The following TSNARE1 variants were observed in gnomAD, a reference collection of about 807,000 sequenced individuals.
TSNARE1 encodes the protein t-SNARE domain containing 1, also known as t-SNARE domain-containing protein 1.
In TSNARE1, 49 loss-of-function variants were observed where a neutral mutation model predicts 62.0. That is an observed-to-expected ratio of 0.79 (90% confidence interval 0.63 to 1.00). The LOEUF (loss-of-function observed/expected upper bound fraction) is 1.00. Among genes scored for constraint, TSNARE1 ranks in the 50% least tolerant of loss-of-function variants. The pLI is 0.00. For synonymous variants in TSNARE1, 328 were observed against 294.4 expected (o/e 1.11, Z -1.17); for missense variants, 755 against 700.1 (o/e 1.08, Z -0.88).
At chr8:142,275,784 C>A in intron 11 of TSNARE1, 1 of 985,400 alleles carries the variant, frequency 1.0e-6, no homozygotes, top group Non-Finnish European at 1.2e-6. Flanking sequence ...CTGACTTGAG[C>A]CTCAGGGGTC....
At chr8:142,277,788 G>A in intron 11 of TSNARE1, 8 of 985,386 alleles carry the variant, frequency 8.1e-6, no homozygotes, top group Non-Finnish European at 9.6e-6. Flanking sequence ...CTGGGTCTCA[G>A]TCTAGGGCAG....
chr8:142,274,044 C>G, intron 12 of TSNARE1: 1 of 985,280 alleles, frequency 1.0e-6, no homozygotes, highest in Non-Finnish European at 1.2e-6. Context: ...GGGGCTTCTT[C>G]TGCGCTCCCA....
At chr8:142,315,405 G>A (rs548179432) in intron 7 of TSNARE1, among the ~76,000 whole-genome samples, 54 of 152,232 alleles carry the variant, frequency 3.5e-4, no homozygotes, top group East Asian at 1.9e-4. Context: ...AGCGCAGGAC[G>A]TCGTGGCCCT....
At chr8:142,300,440 CAT>C in intron 10 of TSNARE1, 44 bp downstream of exon 10, 3 of 1,562,030 alleles carry the variant, frequency 1.9e-6, no homozygotes, top group Non-Finnish European at 2.6e-6. Context: ...TTCCCAGCCT[CAT>C]GTGGAGTGTG....
At chr8:142,309,927 A>G (rs1338099754) in intron 9 of TSNARE1, among the ~76,000 whole-genome samples, 4 of 152,146 alleles carry the variant, frequency 2.6e-5, no homozygotes, top group Non-Finnish European at 5.9e-5. Context: ...TTTAATAAAT[A>G]TTAAACTCCC....
chr8:142,272,742 G>T, intron 12 of TSNARE1: 1 of 968,290 alleles, frequency 1.0e-6, no homozygotes, highest in Non-Finnish European at 1.2e-6. Flanking sequence ...GCCCCTTGCA[G>T]GTAGGAGCAG....
At chr8:142,266,387 T>C (rs1011087122) in intron 12 of TSNARE1, among the ~76,000 whole-genome samples, 1 of 152,258 alleles carries the variant, frequency 6.6e-6, no homozygotes, top group Non-Finnish European at 1.5e-5. Context: ...AAGTCCATTT[T>C]TTGGAAACCC....
chr8:142,284,819 G>T (rs370676110), intron 10 of TSNARE1, among the ~76,000 whole-genome samples: 16 of 152,222 alleles, frequency 1.1e-4, no homozygotes, highest in African/African-American at 3.6e-4. Flanking sequence ...AGGTCCCAGG[G>T]TCTGTCCCCA....
intron 2 of TSNARE1, among the ~76,000 whole-genome samples, chr8:142,347,910 C>T (rs1329484348): frequency 6.6e-6 from 1 of 152,210 alleles, no homozygotes; most frequent in Non-Finnish European, 1.5e-5. Context: ...CACACTGCAT[C>T]CACTCACCCA....
chr8:142,346,133 C>G (rs190433352), intron 2 of TSNARE1, among the ~76,000 whole-genome samples: 1 of 152,354 alleles, frequency 6.6e-6, no homozygotes, highest in East Asian at 1.9e-4. Flanking sequence ...TGAAATGTGA[C>G]TGCAAACTAG....
intron 9 of TSNARE1, among the ~76,000 whole-genome samples, chr8:142,302,470 C>A (rs1825944972): frequency 6.6e-6 from 1 of 152,112 alleles, no homozygotes. Context: ...GGATCAGAGC[C>A]CCTGCTGGGA....
At chr8:142,314,075 G>A (rs193170531) in intron 9 of TSNARE1, among the ~76,000 whole-genome samples, 264 of 152,274 alleles carry the variant, frequency 1.7e-3, no homozygotes, top group African/African-American at 5.7e-3. Context: ...CACCGCGCCC[G>A]GCCACGTGTG....
chr8:142,272,762 C>T lies in TSNARE1; in HGVS notation c.1446+2019G>A, dbSNP rs1170505281. On this transcript the variant is annotated intron_variant, in intron 12 of 13. Transcript: ENST00000524325. Reference sequence around the variant, plus strand: ...TTGCAGGTAGGAGCAGGACATTCTACGCAGAGGCGACTTCACAGACACCTG... The same window carrying T: ...TTGCAGGTAGGAGCAGGACATTCTATGCAGAGGCGACTTCACAGACACCTG... 35 of 956,016 alleles carry T rather than the reference C, an allele frequency of 3.7e-5. No homozygotes were observed. The Middle Eastern group carries it at 1.6e-3, about 44-fold the overall frequency. 59.2% of individuals were successfully genotyped at this position (956,016 alleles called of 1,614,324 possible).
chr8:142,331,871 G>A lies in TSNARE1; in HGVS notation c.746-40C>T. The A allele has an allele frequency of 2.6e-6, 4 of 1,561,392 alleles. No homozygotes were observed. The South Asian group carries it at 3.5e-5, about 14-fold the overall frequency. On this transcript the variant is annotated intron_variant, in intron 4 of 13. Coordinates refer to ENST00000524325, the MANE Select transcript of TSNARE1 (RefSeq NM_145003.5). The stretch of plus-strand genomic sequence containing the variant: ...GGAGGAGGAAAGAACACAGGCTAAG[G>A]GTGAAGCCTGCAGGCCCAGCTCTGC...
At chr8:142,297,747 G>C (rs1219554016) in intron 10 of TSNARE1, among the ~76,000 whole-genome samples, 1 of 152,246 alleles carries the variant, frequency 6.6e-6, no homozygotes, top group African/African-American at 2.4e-5. Flanking sequence ...CGTCACGCTG[G>C]AGTTACTGTC....
intron 2 of TSNARE1, among the ~76,000 whole-genome samples, chr8:142,351,376 C>T (rs962384920): frequency 4.6e-5 from 7 of 152,210 alleles, no homozygotes; most frequent in Non-Finnish European, 7.3e-5. Flanking sequence ...CCACTTACAA[C>T]AGCAGGAAAG....
intron 12 of TSNARE1, among the ~76,000 whole-genome samples, chr8:142,238,545 T>C (rs1276963867): frequency 6.6e-6 from 1 of 151,898 alleles, no homozygotes; most frequent in Non-Finnish European, 1.5e-5. Flanking sequence ...CCCCACACCG[T>C]GGTACCTCTC....
upstream of TSNARE1, chr8:142,406,833 G>A (rs1468647913): frequency 3.3e-5 from 5 of 152,346 alleles, no homozygotes; most frequent in East Asian, 3.9e-4. Context: ...GAGGGGACAC[G>A]TGGGAGTCTC....
chr8:142,362,812 A>G (rs1253987286), intron 1 of TSNARE1, among the ~76,000 whole-genome samples: 1 of 152,154 alleles, frequency 6.6e-6, no homozygotes. Context: ...ATCTCTCTCT[A>G]GCCTGCTGTG....
Sources: gnomAD v4.1 joint callset for allele counts (sites outside exome capture counted in the v4.1 genomes callset) on GRCh38, gnomAD v4.1.1 for gene constraint, MANE v1.5 for transcripts, NCBI Gene and HGNC (gene_info 2026-07-23, HGNC 2026-07-21) for gene names.